Variants in CCNF observed in about 807,000 individuals in gnomAD.
The protein encoded by CCNF is cyclin-F.
In CCNF, 30 loss-of-function variants were observed where a neutral mutation model predicts 85.4. That is an observed-to-expected ratio of 0.35 (90% confidence interval 0.26 to 0.48). CCNF has a LOEUF of 0.48. CCNF is among the 20% of genes least tolerant of loss of function. The pLI, the probability that CCNF is intolerant of heterozygous loss-of-function variation, is 0.99. For synonymous variants in CCNF, 439 were observed against 425.1 expected (o/e 1.03, Z -0.40); for missense variants, 919 against 1,010.4 (o/e 0.91, Z 1.23).
rs898030827 is a variant in CCNF at position 2,438,135 on chromosome 16, T to G, written c.594+12T>G. The G allele has an allele frequency of 7.5e-6, 12 of 1,590,898 alleles. No individual in the cohort carries two copies. Among genetic ancestry groups the G allele is most frequent in the Admixed American group, 1.7e-5 (1 of 59,980 alleles). On this transcript the variant is annotated intron_variant, in intron 6 of 16. Transcript: ENST00000397066. ...TGAGTCTGTTCGAGGTGAGTCAAGTTGTTCTCTGCACTGGGACTTTGTGTT... is the reference window on the plus strand; with the variant it reads ...TGAGTCTGTTCGAGGTGAGTCAAGTGGTTCTCTGCACTGGGACTTTGTGTT...
Position 2,458,180 on chromosome 16 carries a change from CCTG to C in CCNF, c.*1165_*1167del, listed in dbSNP as rs1356792622. The stretch of plus-strand genomic sequence containing the variant: ...TGGGAACGGGCTGACCACAACACAC[CCTG>C]CTGCCATCCACTTCTGTTTACTCTG... On this transcript the variant is annotated 3_prime_UTR_variant, in exon 17 of 17. Coordinates refer to ENST00000397066, the MANE Select transcript of CCNF (RefSeq NM_001761.3). The C allele has an allele frequency of 6.6e-6, 1 of 152,440 alleles. No homozygotes were observed. Among genetic ancestry groups the C allele is most frequent in the East Asian group, 1.8e-4 (1 of 5,472 alleles). 9.4% of individuals were successfully genotyped at this position (152,440 alleles called of 1,614,324 possible).
At chr16:2,447,275 CTTT>C (rs537679553) in intron 10 of CCNF, among the ~76,000 whole-genome samples, 20 of 141,534 alleles carry the variant, frequency 1.4e-4, no homozygotes, top group African/African-American at 1.0e-4. Flanking sequence ...GCCTTATTAT[CTTT>C]TTTTTTTTTT....
intron 10 of CCNF, among the ~76,000 whole-genome samples, chr16:2,446,688 G>A (rs2065364035): frequency 6.6e-6 from 1 of 152,200 alleles, no homozygotes; most frequent in Non-Finnish European, 1.5e-5. Flanking sequence ...ACAGAGACTT[G>A]TTTCTTTCTT....
chr16:2,445,635 C>CT lies in CCNF; in HGVS notation c.1094+15dup. The CT allele has an allele frequency of 1.2e-6, 2 of 1,608,494 alleles. No homozygotes were observed. Among genetic ancestry groups the CT allele is most frequent in the Non-Finnish European group, 1.7e-6 (2 of 1,179,184 alleles). On this transcript the variant is annotated intron_variant, in intron 10 of 16. Coordinates refer to ENST00000397066, the MANE Select transcript of CCNF (RefSeq NM_001761.3). ...TCATCTGCACCCGGTGAGAAGCCCC[C>CT]TTGGCCCAGCTGGCAGGGACGTGCT...
intron 10 of CCNF, 48 bp downstream of exon 10, chr16:2,445,670 C>A: frequency 6.4e-7 from 1 of 1,571,472 alleles, no homozygotes. Context: ...TGGCCTTTCC[C>A]GGGTTCAGGG....
chr16:2,456,559 G>A lies in CCNF; in HGVS notation c.1900G>A (p.Gly634Ser), dbSNP rs563777257. 5.8e-6 allele frequency: 9 copies of A among 1,540,724 alleles called. No homozygotes were observed. Among genetic ancestry groups the A allele is most frequent in the African/African-American group, 2.8e-5 (2 of 72,596 alleles). Residue 634 changes from glycine to serine, a missense_variant, in exon 17 of 17, where the codon GGC becomes AGC. Transcript: ENST00000397066. This position sits in a 1 kb window ranked among gnomAD's most constrained non-coding sequence, Gnocchi z 4.5. ...CCTTCCTGCAGTGACAGCTCCCAGC[G>A]GCATCCTCGATGTCACCGTGGTCTA... The part of the protein sequence containing the change: ...EKEGDVTAPS[G>S]ILDVTVVYLN...
At chr16:2,430,910 T>C (rs2065258953) in intron 1 of CCNF, 1 of 717,130 alleles carries the variant, frequency 1.4e-6, no homozygotes, top group Non-Finnish European at 2.5e-6. Context: ...ATTTGTTGAA[T>C]ATTTGAAAAT....
At position 2,453,985 on chromosome 16, in the gene CCNF, T is replaced by C. The variant is rs113819011; in HGVS notation, c.1715+448T>C. 0.047 allele frequency among the ~76,000 whole-genome samples: 7,220 copies of C among 152,260 alleles called. 227 individuals are homozygous for C. Among genetic ancestry groups the C allele is most frequent in the Non-Finnish European group, 0.067 (4,576 of 68,000 alleles). ...GCCTCTCCTATCTCAGCACCTTGGC[T>C]GTTCCTCCTGGAGTTAACTTCCTCT... is the stretch of plus-strand genomic sequence containing the variant. On this transcript the variant is annotated intron_variant, in intron 15 of 16. Coordinates refer to ENST00000397066, the MANE Select transcript of CCNF (RefSeq NM_001761.3). The surrounding 1 kb of genome is among the most constrained non-coding windows in gnomAD (Gnocchi z 5.6).
At position 2,437,619 on chromosome 16, in the gene CCNF, T is replaced by A. The variant is rs2065298491; in HGVS notation, c.540+297T>A. On this transcript the variant is annotated intron_variant, in intron 5 of 16. Transcript: ENST00000397066. ...AAGACACAAATCTGGCCAGGTGTGGTGGCTCACGCCTGTCATCCTAGCACT... is the reference window on the plus strand; with the variant it reads ...AAGACACAAATCTGGCCAGGTGTGGAGGCTCACGCCTGTCATCCTAGCACT... 11 of 369,952 alleles carry A rather than the reference T, an allele frequency of 3.0e-5. 2 individuals carry two copies. The South Asian group carries it at 5.1e-4, about 17-fold the overall frequency. The allele number at this position is 369,952 out of a possible 1,614,324, so 22.9% of individuals were successfully genotyped here.
rs1203794490 is a variant in CCNF at position 2,458,238 on chromosome 16, A to G, written c.*1218A>G. 6.7e-6 allele frequency: 1 copy of G among 149,768 alleles called. No individual in the cohort carries two copies. The highest frequency in any genetic ancestry group is 1.5e-5 in the Non-Finnish European group (1 of 67,770). The allele number at this position is 149,768 out of a possible 1,614,324, so 9.3% of individuals were successfully genotyped here. On this transcript the variant is annotated 3_prime_UTR_variant, in exon 17 of 17. Coordinates refer to ENST00000397066, the MANE Select transcript of CCNF (RefSeq NM_001761.3). ...TGTAAGAAAGAACCACTTGGCCAGAAGTGTCCCCCAGATGCTTTTTTTTTT... is the reference window on the plus strand; with the variant it reads ...TGTAAGAAAGAACCACTTGGCCAGAGGTGTCCCCCAGATGCTTTTTTTTTT...
Position 2,452,996 on chromosome 16 carries a change from C to T in CCNF, c.1488-214C>T. 1 of 595,206 alleles carries T rather than the reference C, an allele frequency of 1.7e-6. No homozygotes were observed. Among genetic ancestry groups the T allele is most frequent in the South Asian group, 2.0e-5 (1 of 50,036 alleles). The allele number at this position is 595,206 out of a possible 1,614,324, so 36.9% of individuals were successfully genotyped here. On this transcript the variant is annotated intron_variant, in intron 13 of 16. Transcript: ENST00000397066. This position sits in a 1 kb window ranked among gnomAD's most constrained non-coding sequence, Gnocchi z 4.1. ...GCCATGAACATTCTAGTACAGGTTTCTGTGTGGACATAGTTTTTCCTTTTT... is the reference window on the plus strand; with the variant it reads ...GCCATGAACATTCTAGTACAGGTTTTTGTGTGGACATAGTTTTTCCTTTTT...
At chr16:2,437,998 C>G in intron 5 of CCNF, 72 bp from the exon 6 acceptor site, 2 of 1,029,170 alleles carry the variant, frequency 1.9e-6, no homozygotes, top group Non-Finnish European at 3.1e-6. Context: ...GACCCAAAGA[C>G]AGACAAGGGA....
intron 8 of CCNF, among the ~76,000 whole-genome samples, chr16:2,441,318 C>T (rs926802145): frequency 4.6e-5 from 7 of 151,784 alleles, no homozygotes; most frequent in Non-Finnish European, 1.0e-4. Context: ...ATCACTTGAG[C>T]CTGCGAGGTC....
intron 5 of CCNF, chr16:2,437,842 T>C: frequency 2.0e-6 from 1 of 503,058 alleles, no homozygotes. Context: ...GAGCTTGCAA[T>C]GAGCCGTGAC....
At chr16:2,438,161 C>T (rs367823441) in intron 6 of CCNF, 38 bp downstream of exon 6, 61 of 1,407,944 alleles carry the variant, frequency 4.3e-5, no homozygotes, top group African/African-American at 2.8e-5. Flanking sequence ...ACTTTGTGTT[C>T]GATACATCCC....
At position 2,452,382 on chromosome 16, in the gene CCNF, G is replaced by T. The variant is rs144092255; in HGVS notation, c.1488-828G>T. On this transcript the variant is annotated intron_variant, in intron 13 of 16. Coordinates refer to ENST00000397066, the MANE Select transcript of CCNF (RefSeq NM_001761.3). The surrounding 1 kb of genome is among the most constrained non-coding windows in gnomAD (Gnocchi z 4.1). ...CCGGACCCTGTGCCTTCTGGGCAAG[G>T]AACGAGGCTGACAGTAGAAGGGTTC... Among the ~76,000 whole-genome samples the T allele has an allele frequency of 6.6e-6, 1 of 152,174 alleles. No individual in the cohort carries two copies. Among genetic ancestry groups the T allele is most frequent in the Non-Finnish European group, 1.5e-5 (1 of 68,040 alleles).
intron 4 of CCNF, chr16:2,436,487 C>T (rs1201091662): frequency 1.3e-5 from 2 of 152,332 alleles, no homozygotes; most frequent in African/African-American, 4.8e-5. Flanking sequence ...TAGCCTCCCA[C>T]ATTTGTACTT....
intron 3 of CCNF, among the ~76,000 whole-genome samples, chr16:2,434,477 G>A (rs2065277634): frequency 6.6e-6 from 1 of 152,106 alleles, no homozygotes; most frequent in South Asian, 2.1e-4. Context: ...GCTGGGTGGT[G>A]GCACATGCCT....
At chr16:2,443,091 A>G (rs1241965880) in intron 8 of CCNF, among the ~76,000 whole-genome samples, 1 of 44,378 alleles carries the variant, frequency 2.3e-5, no homozygotes, top group Non-Finnish European at 3.3e-5. Flanking sequence ...ATTATATATA[A>G]TAGATATTTT....
Sources: gnomAD v4.1 joint callset for allele counts (sites outside exome capture counted in the v4.1 genomes callset) on GRCh38, gnomAD v4.1.1 for gene constraint, Gnocchi (gnomAD v3.1) non-coding constraint, MANE v1.5 for transcripts, NCBI Gene and HGNC (gene_info 2026-07-23, HGNC 2026-07-21) for gene names.